The following USP14 variants were observed in gnomAD, a reference collection of about 807,000 sequenced individuals.
The protein encoded by USP14 is ubiquitin carboxyl-terminal hydrolase 14.
Under a neutral mutation model 76.5 loss-of-function variants are expected in USP14, and 38 were observed. That is an observed-to-expected ratio of 0.50 (90% CI 0.38 to 0.65). The LOEUF is 0.65. Ranked by LOEUF, USP14 falls within the 30% of genes least tolerant of loss-of-function variation. The pLI is 0.00. For synonymous variants in USP14, 192 were observed against 191.7 expected (o/e 1.00, Z -0.01); for missense variants, 467 against 586.5 (o/e 0.80, Z 2.10).
rs191791660 is a variant in USP14, at chr18:197,059, C to T, written c.594+292C>T. ...ATTTTCTACCGCAGTCCTAAATCCT[C>T]TAGCCCCTGGCTTTCTCTCTGAGTT... is the stretch of plus-strand genomic sequence containing the variant. On this transcript the variant is annotated intron_variant, in intron 7 of 15. Coordinates refer to ENST00000261601, the MANE Select transcript of USP14 (RefSeq NM_005151.4). Among the ~76,000 whole-genome samples, 691 of 152,354 alleles carry T rather than the reference C, an allele frequency of 4.5e-3. 6 individuals are homozygous for T. The highest frequency in any genetic ancestry group is 7.6e-3 in the Non-Finnish European group (517 of 68,036).
intron 6 of USP14, among the ~76,000 whole-genome samples, chr18:193,441 TGATA>T (rs1427535175): frequency 1.3e-5 from 2 of 152,210 alleles, no homozygotes; most frequent in Non-Finnish European, 2.9e-5. Context: ...ACAGCTTTAT[TGATA>T]TAGTGTACAT....
At position 213,698 on chromosome 18, in the gene USP14, C is replaced by T. The variant is rs189092697; in HGVS notation, c.*2414C>T. 1.8e-4 allele frequency: 28 copies of T among 152,538 alleles called. No homozygotes were observed. Among genetic ancestry groups the T allele is most frequent in the African/African-American group, 5.8e-4 (24 of 41,526 alleles). 9.4% of individuals were successfully genotyped at this position (152,538 alleles called of 1,614,324 possible). ...AGTAGCCCTTCTTCAGGATTAAAAA[C>T]GATGATGACCTCATCTTAGAGCCCT... On this transcript the variant is annotated 3_prime_UTR_variant, in exon 16 of 16. Transcript: ENST00000261601.
chr18:212,726 T>G lies in USP14; in HGVS notation c.*1442T>G, dbSNP rs1567838731. ...ATATGATAGGCTTCTTACATTTTAA[T>G]AGTTACTCATCTTTGTTCCAGGACC... On this transcript the variant is annotated 3_prime_UTR_variant, in exon 16 of 16. Transcript: ENST00000261601. 1 of 152,222 alleles carries G rather than the reference T, an allele frequency of 6.6e-6. No homozygotes were observed. Among genetic ancestry groups the G allele is most frequent in the Non-Finnish European group, 1.5e-5 (1 of 68,036 alleles). 9.4% of individuals were successfully genotyped at this position (152,222 alleles called of 1,614,324 possible). A position where few individuals can be genotyped will look rare whatever the true frequency, so the allele number is the denominator to read the frequency against.
intron 3 of USP14, 92 bp from the exon 4 acceptor site, chr18:178,841 A>T: frequency 2.3e-6 from 2 of 875,986 alleles, no homozygotes; most frequent in Admixed American, 2.8e-5. Flanking sequence ...GAATTATGTT[A>T]TATGTGTTCT....
intron 3 of USP14, among the ~76,000 whole-genome samples, chr18:172,445 T>C (rs951512565): frequency 8.5e-5 from 13 of 152,208 alleles, no homozygotes; most frequent in African/African-American, 3.1e-4. Flanking sequence ...GCTTACTTGA[T>C]AAAGCAGCAG....
intron 4 of USP14, 30 bp downstream of exon 4, chr18:179,067 T>G: frequency 6.6e-7 from 1 of 1,511,498 alleles, no homozygotes; most frequent in African/African-American, 1.4e-5. Flanking sequence ...ATGTGTTTGA[T>G]CACTACTTTT....
chr18:192,712 G>A, intron 5 of USP14, 130 bp from the exon 6 acceptor site: 2 of 700,768 alleles, frequency 2.9e-6, no homozygotes, highest in East Asian at 2.9e-5. Context: ...AGAAGAAAAG[G>A]AAAGGTGGGA....
At chr18:168,083 G>A (rs1367657442) in intron 3 of USP14, among the ~76,000 whole-genome samples, 10 of 151,192 alleles carry the variant, frequency 6.6e-5, no homozygotes, top group Non-Finnish European at 1.2e-4. Flanking sequence ...CCACCACCAC[G>A]CCCAGCTAAC....
At chr18:166,275 T>C (rs1247030246) in intron 2 of USP14, among the ~76,000 whole-genome samples, 2 of 152,226 alleles carry the variant, frequency 1.3e-5, no homozygotes, top group African/African-American at 4.8e-5. Flanking sequence ...TGTGTTACCT[T>C]ATGCAGTTGA....
chr18:194,253 TTGAAA>T (rs1910170133), intron 6 of USP14, among the ~76,000 whole-genome samples: 2 of 152,246 alleles, frequency 1.3e-5, no homozygotes, highest in Non-Finnish European at 2.9e-5. Context: ...GACTTACTTG[TTGAAA>T]TGAAGTTTTT....
chr18:179,139 C>T, intron 4 of USP14, 102 bp downstream of exon 4: 1 of 710,282 alleles, frequency 1.4e-6, no homozygotes, highest in Non-Finnish European at 2.3e-6. Context: ...AAGACTTAAT[C>T]ATTAATACCA....
chr18:210,983 C>G, intron 15 of USP14, 150 bp from the exon 16 acceptor site: 1 of 713,852 alleles, frequency 1.4e-6, no homozygotes, highest in Non-Finnish European at 2.3e-6. Flanking sequence ...TGCCCTTAAG[C>G]CTGTGTGGTC....
At chr18:168,850 A>T (rs1909355101) in intron 3 of USP14, among the ~76,000 whole-genome samples, 1 of 149,472 alleles carries the variant, frequency 6.7e-6, no homozygotes, top group Non-Finnish European at 1.5e-5. Context: ...AGGCGGGTGG[A>T]TCACGAAGTC....
intron 10 of USP14, 30 bp from the exon 11 acceptor site, chr18:202,850 T>C (rs1209335433): frequency 3.1e-6 from 5 of 1,611,078 alleles, no homozygotes; most frequent in Middle Eastern, 1.6e-4. Flanking sequence ...TTAAAACTAA[T>C]GTTTGGTCTT....
chr18:206,623 G>A (rs1910535534), intron 13 of USP14, among the ~76,000 whole-genome samples: 1 of 152,088 alleles, frequency 6.6e-6, no homozygotes, highest in Non-Finnish European at 1.5e-5. Flanking sequence ...TGCCGGGCTC[G>A]GCATGGTGGC....
At chr18:181,293 T>C (rs575431291) in intron 5 of USP14, among the ~76,000 whole-genome samples, 1 of 152,216 alleles carries the variant, frequency 6.6e-6, no homozygotes, top group Admixed American at 6.5e-5. Flanking sequence ...TTTTCCAAAG[T>C]GACGGTACCA....
chr18:197,739 TGA>T, intron 8 of USP14, 43 bp downstream of exon 8: 1 of 1,485,456 alleles, frequency 6.7e-7, no homozygotes, highest in Non-Finnish European at 9.1e-7. Context: ...CGTTATACCT[TGA>T]TTTTTTTTTT....
intron 6 of USP14, among the ~76,000 whole-genome samples, chr18:194,983 A>G (rs1910191580): frequency 6.6e-6 from 1 of 152,152 alleles, no homozygotes. Context: ...ACCCTAAAAT[A>G]CAGTCTTTAT....
chr18:211,562 A>C lies in USP14; in HGVS notation c.*278A>C, dbSNP rs1910670937. 1 of 257,412 alleles carries C rather than the reference A, an allele frequency of 3.9e-6. No individual in the cohort carries two copies. Among genetic ancestry groups the C allele is most frequent in the African/African-American group, 2.2e-5 (1 of 45,004 alleles). 15.9% of individuals were successfully genotyped at this position (257,412 alleles called of 1,614,324 possible). A position where few individuals can be genotyped will look rare whatever the true frequency, so the allele number is the denominator to read the frequency against. On this transcript the variant is annotated 3_prime_UTR_variant, in exon 16 of 16. Coordinates refer to ENST00000261601, the MANE Select transcript of USP14 (RefSeq NM_005151.4). ...TTATTTTAAAAAGTTCAGAGTTGAAATGCCTTTCAACCATTTCCTTCTGTG... is the reference window on the plus strand; with the variant it reads ...TTATTTTAAAAAGTTCAGAGTTGAACTGCCTTTCAACCATTTCCTTCTGTG...
Sources: allele counts gnomAD v4.1 joint callset (sites outside exome capture counted in the v4.1 genomes callset), GRCh38; gene constraint gnomAD v4.1.1; transcripts MANE v1.5; gene names NCBI Gene and HGNC (gene_info 2026-07-23, HGNC 2026-07-21).